Variants in WDR59 observed in about 807,000 individuals in gnomAD.
WDR59 encodes WD repeat domain 59, also known as GATOR2 complex protein WDR59.
WDR59 carries 100 observed loss-of-function variants against 131.2 expected under a neutral mutation model. That is an observed-to-expected ratio of 0.76 (90% CI 0.65 to 0.90). The LOEUF (loss-of-function observed/expected upper bound fraction) is 0.90. WDR59 is among the 40% of genes least tolerant of loss of function. WDR59 has a pLI of 0.00. For synonymous variants in WDR59, 601 were observed against 466.2 expected (o/e 1.29, Z -3.72); for missense variants, 1,203 against 1,262.2 (o/e 0.95, Z 0.71).
chr16:74,888,235 C>G lies in WDR59; in HGVS notation c.2280G>C (p.Gly760=). Residue 760 remains glycine, a synonymous_variant, in exon 22 of 26, where the codon GGG becomes GGC. Coordinates refer to ENST00000262144, the MANE Select transcript of WDR59 (RefSeq NM_030581.4). ...GAAAAGGCCCAAAGGGGTTTGGTAG[C>G]CCCTGAGGCCGAGACTGGGCTTCAA... ...SVFEAQSRPQ[G]LPNPFGPFPN... 4 of 1,614,112 alleles carry G rather than the reference C, an allele frequency of 2.5e-6. No individual in the cohort carries two copies. The Admixed American group carries it at 5.0e-5, about 20-fold the overall frequency.
chr16:74,970,827 G>A (rs1464497890), intron 1 of WDR59, among the ~76,000 whole-genome samples: 1 of 151,830 alleles, frequency 6.6e-6, no homozygotes, highest in African/African-American at 2.4e-5. Flanking sequence ...CAACGCAGGA[G>A]GATTGCTTGG....
intron 1 of WDR59, among the ~76,000 whole-genome samples, chr16:74,970,275 G>A (rs1029327997): frequency 1.3e-5 from 2 of 151,990 alleles, no homozygotes; most frequent in Non-Finnish European, 1.5e-5. Flanking sequence ...GCAGTACCAT[G>A]CTGTTTGAGT....
At chr16:74,885,920 C>T in intron 24 of WDR59, 125 bp from the exon 25 acceptor site, 2 of 1,176,682 alleles carry the variant, frequency 1.7e-6, no homozygotes, top group Non-Finnish European at 2.3e-6. Flanking sequence ...TAACACCTGT[C>T]ACTCCCAGCA....
At chr16:74,939,321 T>C (rs2032043958) in intron 7 of WDR59, among the ~76,000 whole-genome samples, 1 of 152,062 alleles carries the variant, frequency 6.6e-6, no homozygotes, top group African/African-American at 2.4e-5. Flanking sequence ...TGGTGTTATC[T>C]GAAACACTAG....
In WDR59 at chr16:74,909,825, A is replaced by G; in HGVS notation, c.1482T>C (p.Phe494=). The G allele has an allele frequency of 6.2e-7, 1 of 1,610,916 alleles. No homozygotes were observed. Among genetic ancestry groups the G allele is most frequent in the African/African-American group, 1.3e-5 (1 of 74,800 alleles). Residue 494 remains phenylalanine, a synonymous_variant, in exon 15 of 26, where the codon TTT becomes TTC. Coordinates refer to ENST00000262144, the MANE Select transcript of WDR59 (RefSeq NM_030581.4). The part of the protein sequence containing the change: ...LRQLVSCLES[F]VNQEDSASSN... ...ATGACAGTTTCATGCTTCCCACCAC[A>G]AAGGACTCAAGGCAGGAGACGAGCT...
At chr16:74,977,147 G>C (rs1248896340) in intron 1 of WDR59, among the ~76,000 whole-genome samples, 1 of 151,902 alleles carries the variant, frequency 6.6e-6, no homozygotes, top group Non-Finnish European at 1.5e-5. Context: ...GAACCAGGAG[G>C]ATCATTTGAG....
At position 74,912,237 on chromosome 16, in the gene WDR59, G is replaced by A. The variant is rs546584440; in HGVS notation, c.1350C>T (p.Pro450=). 1.2e-6 allele frequency: 2 copies of A among 1,614,158 alleles called. No individual in the cohort carries two copies. Among genetic ancestry groups the A allele is most frequent in the South Asian group, 1.1e-5 (1 of 91,078 alleles). ...NAAPSFQFIN[P]TTITSTMKAK... is the part of the protein sequence containing the mutation. ...CTTTCATGGTGGATGTGATGGTTGT[G>A]GGGTTAATAAACTGGAAGGAAGGGG... The change falls in exon 14 of 26, where the codon CCC becomes CCT. Residue 450 remains proline (P), a synonymous_variant. Coordinates refer to ENST00000262144, the MANE Select transcript of WDR59 (RefSeq NM_030581.4).
chr16:74,948,006 G>A lies in WDR59; in HGVS notation c.445+513C>T, dbSNP rs72798662. On this transcript the variant is annotated intron_variant, in intron 6 of 25. Transcript: ENST00000262144. Reference sequence around the variant, plus strand: ...AATTGCTTGAACCTGGGAAGCAGAGGCTGCAGTGAGCCAAGGCTGCACTAC... The same window carrying A: ...AATTGCTTGAACCTGGGAAGCAGAGACTGCAGTGAGCCAAGGCTGCACTAC... 1.7e-3 allele frequency among the ~76,000 whole-genome samples: 257 copies of A among 152,284 alleles called. 4 individuals carry two copies. The highest frequency in any genetic ancestry group is 3.4e-3 in the Middle Eastern group (1 of 294).
intron 10 of WDR59, 140 bp from the exon 11 acceptor site, chr16:74,918,148 G>A: frequency 1.4e-6 from 1 of 733,322 alleles, no homozygotes; most frequent in Non-Finnish European, 2.3e-6. Flanking sequence ...ACTATTCTAG[G>A]TACCAGGACT....
chr16:74,948,120 G>C (rs1181900280), intron 6 of WDR59, among the ~76,000 whole-genome samples: 3 of 152,182 alleles, frequency 2.0e-5, no homozygotes, highest in African/African-American at 4.8e-5. Flanking sequence ...GAAATGGTGG[G>C]TGGAGGAAAA....
At chr16:74,982,500 C>G (rs2034465547) in intron 1 of WDR59, among the ~76,000 whole-genome samples, 1 of 152,208 alleles carries the variant, frequency 6.6e-6, no homozygotes, top group African/African-American at 2.4e-5. Context: ...CTCTGCAGGT[C>G]TCTTCAATTA....
chr16:74,918,251 T>A (rs1218958935), intron 10 of WDR59, among the ~76,000 whole-genome samples: 1 of 152,170 alleles, frequency 6.6e-6, no homozygotes, highest in African/African-American at 2.4e-5. Flanking sequence ...GTATAAAGAA[T>A]AACACAGGAT....
At position 74,917,964 on chromosome 16, in the gene WDR59, A is replaced by G. The variant is rs1381446910; in HGVS notation, c.931T>C (p.Leu311=). Residue 311 remains leucine, a synonymous_variant, in exon 11 of 26, where the codon TTG becomes CTG. Transcript: ENST00000262144. Reference sequence around the variant, plus strand: ...TGGGAATCCACCCGCCACATTCTCAAGGTCTGATCCCGGGACCACGTCACC... The same window carrying G: ...TGGGAATCCACCCGCCACATTCTCAGGGTCTGATCCCGGGACCACGTCACC... ...QLVTWSRDQT[L]RMWRVDSQMQ... is the part of the protein sequence containing the mutation. The G allele has an allele frequency of 1.9e-6, 3 of 1,613,980 alleles. No individual in the cohort carries two copies. The Admixed American group carries it at 5.0e-5, about 27-fold the overall frequency.
intron 21 of WDR59, 59 bp from the exon 22 acceptor site, chr16:74,888,378 G>A (rs954289443): frequency 1.0e-5 from 16 of 1,545,984 alleles, no homozygotes; most frequent in African/African-American, 5.5e-5. Context: ...GGAGGAAAGC[G>A]GTCACAGTCA....
intron 2 of WDR59, among the ~76,000 whole-genome samples, chr16:74,958,928 G>A (rs923364379): frequency 1.3e-5 from 2 of 151,930 alleles, no homozygotes; most frequent in African/African-American, 4.8e-5. Flanking sequence ...GCATGGTGGT[G>A]CATGCCTGTA....
intron 11 of WDR59, 71 bp from the exon 12 acceptor site, chr16:74,916,330 T>G: frequency 6.3e-7 from 1 of 1,593,700 alleles, no homozygotes; most frequent in South Asian, 1.1e-5. Context: ...GATTAAAGAG[T>G]TCTGACTTAA....
At chr16:74,887,645 T>C in intron 23 of WDR59, 38 bp downstream of exon 23, 1 of 1,604,708 alleles carries the variant, frequency 6.2e-7, no homozygotes, top group Non-Finnish European at 8.5e-7. Flanking sequence ...CTGGGAGAAC[T>C]AAAAATCCAG....
At chr16:74,979,319 A>C (rs2034306767) in intron 1 of WDR59, among the ~76,000 whole-genome samples, 1 of 151,698 alleles carries the variant, frequency 6.6e-6, no homozygotes, top group African/African-American at 2.4e-5. Flanking sequence ...CAAAAAAATT[A>C]GCCAGGCATG....
Position 74,906,598 on chromosome 16 carries a change from C to T in WDR59, c.1712+2310G>A, listed in dbSNP as rs527775786. On this transcript the variant is annotated intron_variant, in intron 17 of 25. Coordinates refer to ENST00000262144, the MANE Select transcript of WDR59 (RefSeq NM_030581.4). Reference sequence around the variant, plus strand: ...TGTGTCCAGGTTTGCTCATAATGGCCGAAAACTGGAAAGGATGCAACTATC... The same window carrying T: ...TGTGTCCAGGTTTGCTCATAATGGCTGAAAACTGGAAAGGATGCAACTATC... Among the ~76,000 whole-genome samples the T allele has an allele frequency of 3.3e-5, 5 of 152,094 alleles. No homozygotes were observed. In the South Asian group the frequency reaches 6.2e-4, roughly 19 times the overall value.
Sources: gnomAD v4.1 joint callset for allele counts (sites outside exome capture counted in the v4.1 genomes callset) on GRCh38, gnomAD v4.1.1 for gene constraint, MANE v1.5 for transcripts, NCBI Gene and HGNC (gene_info 2026-07-23, HGNC 2026-07-21) for gene names.